The following MNS1 variants were observed in gnomAD, a reference collection of about 807,000 sequenced individuals.
MNS1 encodes the protein meiosis specific nuclear structural 1.
In MNS1, 63 loss-of-function variants were observed where a neutral mutation model predicts 72.0. The ratio of observed to expected loss-of-function variants is 0.87; its 90% confidence interval spans 0.71 to 1.08. The LOEUF is 1.08. MNS1 is among the 50% of genes least tolerant of loss of function. MNS1 has a pLI of 0.00. For synonymous variants in MNS1, 188 were observed against 172.1 expected, an observed-to-expected ratio of 1.09 and a Z score of -0.72; for missense variants, 604 against 562.4, an observed-to-expected ratio of 1.07 and a Z score of -0.75.
chr15:56,462,535 A>G (rs1462916238), intron 2 of MNS1, among the ~76,000 whole-genome samples: 1 of 152,242 alleles, frequency 6.6e-6, no homozygotes, highest in Non-Finnish European at 1.5e-5. Flanking sequence ...TTAAAGGAAC[A>G]TGAGGAAGCA....
intron 3 of MNS1, among the ~76,000 whole-genome samples, chr15:56,449,708 G>A (rs2050935128): frequency 6.6e-6 from 1 of 152,110 alleles, no homozygotes; most frequent in African/African-American, 2.4e-5. Context: ...TTGTGGACAA[G>A]GTTAAATTAC....
chr15:56,460,345 G>A (rs1216619985), intron 2 of MNS1, among the ~76,000 whole-genome samples: 1 of 150,192 alleles, frequency 6.7e-6, no homozygotes, highest in Non-Finnish European at 1.5e-5. Context: ...AATTGGAAAA[G>A]CAGAAGTTGT....
At chr15:56,461,981 T>G (rs112382457) in intron 2 of MNS1, among the ~76,000 whole-genome samples, 12,794 of 35,238 alleles carry the variant, frequency 0.36, 1,438 homozygotes, top group East Asian at 0.62. Context: ...TGTTGTTTTT[T>G]TTTTTTTTTT....
intron 3 of MNS1, among the ~76,000 whole-genome samples, chr15:56,454,728 A>G (rs1405226141): frequency 6.6e-6 from 1 of 152,144 alleles, no homozygotes; most frequent in Admixed American, 6.5e-5. Flanking sequence ...CTCTACCAGG[A>G]CTAAAATTAT....
At chr15:56,452,565 C>T (rs1233761145) in intron 3 of MNS1, among the ~76,000 whole-genome samples, 4 of 149,854 alleles carry the variant, frequency 2.7e-5, no homozygotes, top group Admixed American at 2.0e-4. Flanking sequence ...GTCGCCCAGG[C>T]TGGAGTGCAG....
At chr15:56,446,189 G>A (rs1057111487) in intron 4 of MNS1, among the ~76,000 whole-genome samples, 2 of 152,000 alleles carry the variant, frequency 1.3e-5, no homozygotes, top group South Asian at 2.1e-4. Flanking sequence ...CAATAGATAT[G>A]TATGTGTATA....
At chr15:56,440,631 CA>C (rs1381814426) in intron 7 of MNS1, among the ~76,000 whole-genome samples, 1 of 151,064 alleles carries the variant, frequency 6.6e-6, no homozygotes, top group Non-Finnish European at 1.5e-5. Flanking sequence ...TGTTACTCAG[CA>C]AAAAAAGGGA....
chr15:56,452,178 G>C (rs1474643542), intron 3 of MNS1, among the ~76,000 whole-genome samples: 6 of 152,102 alleles, frequency 3.9e-5, no homozygotes, highest in African/African-American at 1.4e-4. Flanking sequence ...GGAGGATACA[G>C]GACTCAGCAT....
At chr15:56,464,346 G>C in intron 1 of MNS1, 99 bp from the exon 2 acceptor site, 4 of 865,076 alleles carry the variant, frequency 4.6e-6, no homozygotes, top group Non-Finnish European at 7.1e-6. Flanking sequence ...GATACGAAGA[G>C]CCTGGCTTCC....
At chr15:56,461,972 G>GT (rs2051024692) in intron 2 of MNS1, among the ~76,000 whole-genome samples, 2 of 9,682 alleles carry the variant, frequency 2.1e-4, no homozygotes, top group African/African-American at 2.7e-4. Context: ...TTTTTTTGTT[G>GT]TTGTTTTTTT....
chr15:56,436,534 A>G (rs1427343317), intron 7 of MNS1, among the ~76,000 whole-genome samples: 1 of 152,194 alleles, frequency 6.6e-6, no homozygotes, highest in African/African-American at 2.4e-5. Context: ...CCCTAACATC[A>G]CAATTAAAAG....
At chr15:56,464,824 G>T in intron 1 of MNS1, 146 bp downstream of exon 1, 1 of 1,133,170 alleles carries the variant, frequency 8.8e-7, no homozygotes, top group South Asian at 1.5e-5. Context: ...CCTTCTAATA[G>T]CACCTGAAGC....
chr15:56,439,865 AG>A (rs1490512562), intron 7 of MNS1, among the ~76,000 whole-genome samples: 2 of 152,076 alleles, frequency 1.3e-5, no homozygotes, highest in Admixed American at 6.6e-5. Flanking sequence ...TGACACAGAA[AG>A]CATGATCCAT....
chr15:56,448,032 G>A (rs938125532), intron 3 of MNS1, among the ~76,000 whole-genome samples: 3 of 152,056 alleles, frequency 2.0e-5, no homozygotes, highest in Admixed American at 6.5e-5. Context: ...CACTCGCATT[G>A]CTTATCTATT....
At chr15:56,435,513 CA>C (rs2050707311) in intron 7 of MNS1, among the ~76,000 whole-genome samples, 1 of 151,776 alleles carries the variant, frequency 6.6e-6, no homozygotes, top group South Asian at 2.1e-4. Context: ...CTACAGACAT[CA>C]AAAGGATAAT....
At chr15:56,435,005 A>G (rs77878985) in intron 7 of MNS1, among the ~76,000 whole-genome samples, 4,247 of 152,236 alleles carry the variant, frequency 0.028, 198 homozygotes, top group African/African-American at 0.096. Flanking sequence ...GAAAAATTTC[A>G]TACATACTAA....
chr15:56,443,339 G>A, intron 7 of MNS1, 91 bp downstream of exon 7: 6 of 912,496 alleles, frequency 6.6e-6, no homozygotes, highest in Non-Finnish European at 9.5e-6. Flanking sequence ...TTACCAGTAT[G>A]GTTGGATTTA....
At chr15:56,444,800 G>A in intron 4 of MNS1, 127 bp from the exon 5 acceptor site, 1 of 839,112 alleles carries the variant, frequency 1.2e-6, no homozygotes, top group South Asian at 1.8e-5. Context: ...ATCTGTCTAG[G>A]TTAAAAAGCA....
At chr15:56,433,741 G>T (rs528382134) in intron 8 of MNS1, among the ~76,000 whole-genome samples, 51 of 151,998 alleles carry the variant, frequency 3.4e-4, no homozygotes, top group Admixed American at 6.6e-4. Flanking sequence ...CCTTAGAAAA[G>T]CCCACCTTCT....
Sources: gnomAD v4.1 joint callset for allele counts (sites outside exome capture counted in the v4.1 genomes callset) on GRCh38, gnomAD v4.1.1 for gene constraint, MANE v1.5 for transcripts, NCBI Gene and HGNC (gene_info 2026-07-23, HGNC 2026-07-21) for gene names.